Variants in METTL9 observed in about 807,000 individuals in gnomAD.
METTL9 encodes the protein methyltransferase 9, His-X-His N1(pi)-histidine, also known as protein-L-histidine N-pros-methyltransferase.
In METTL9, 10 loss-of-function variants were observed where a neutral mutation model predicts 36.0. The observed-to-expected ratio is 0.28, with a 90% CI of 0.17 to 0.47. METTL9 has a LOEUF of 0.47. Among genes scored for constraint, METTL9 ranks in the 20% least tolerant of loss-of-function variants. METTL9 has a pLI of 0.99. For synonymous variants in METTL9, 175 were observed against 149.7 expected (o/e 1.17, Z -1.23); for missense variants, 246 against 383.5 (o/e 0.64, Z 3.00).
upstream of METTL9, among the ~76,000 whole-genome samples, chr16:21,598,185 C>A (rs1964994959): frequency 6.6e-6 from 1 of 151,990 alleles, no homozygotes; most frequent in Admixed American, 6.6e-5. Context: ...CCCGTCTCTA[C>A]GAAAAACACA....
At chr16:21,638,280 T>C (rs1053040140) in intron 4 of METTL9, among the ~76,000 whole-genome samples, 33 of 152,160 alleles carry the variant, frequency 2.2e-4, no homozygotes, top group African/African-American at 8.0e-4. Flanking sequence ...ATCACGCCAT[T>C]GTACTCCAGC....
chr16:21,638,267 G>A (rs1254832015), intron 4 of METTL9, among the ~76,000 whole-genome samples: 8 of 152,258 alleles, frequency 5.3e-5, no homozygotes, highest in Non-Finnish European at 8.8e-5. Context: ...GCAGTGAGCC[G>A]AGATCACGCC....
At chr16:21,627,498 C>T (rs1170889694) in intron 4 of METTL9, 6 of 337,426 alleles carry the variant, frequency 1.8e-5, no homozygotes, top group Non-Finnish European at 2.5e-5. Flanking sequence ...TTAAGCACCC[C>T]CCAAAGAAGG....
At chr16:21,606,202 T>A (rs1456741283) in intron 1 of METTL9, among the ~76,000 whole-genome samples, 9 of 152,040 alleles carry the variant, frequency 5.9e-5, no homozygotes, top group Admixed American at 5.9e-4. Context: ...CTGGGCGTGG[T>A]GGCACGTGCC....
intron 4 of METTL9, among the ~76,000 whole-genome samples, chr16:21,651,172 G>A (rs1309673804): frequency 2.0e-5 from 3 of 152,248 alleles, no homozygotes; most frequent in South Asian, 2.1e-4. Flanking sequence ...GCAGTGAGCC[G>A]AGATCTTGCC....
At chr16:21,600,472 T>A (rs890461071) in intron 1 of METTL9, among the ~76,000 whole-genome samples, 42 of 152,350 alleles carry the variant, frequency 2.8e-4, no homozygotes, top group African/African-American at 9.4e-4. Context: ...TGACAGGTTG[T>A]CGCTCCCATC....
upstream of METTL9, chr16:21,597,269 C>A (rs1964966877): frequency 7.8e-7 from 1 of 1,289,008 alleles, no homozygotes; most frequent in Non-Finnish European, 1.0e-6. Flanking sequence ...GATCGAAAGA[C>A]CACGAGCTGG....
chr16:21,641,534 C>A, intron 4 of METTL9: 1 of 1,576,370 alleles, frequency 6.3e-7, no homozygotes, highest in East Asian at 2.3e-5. Context: ...TAAAACGTTT[C>A]TATGGCCTTT....
intron 1 of METTL9, among the ~76,000 whole-genome samples, chr16:21,602,665 GT>G (rs11415914): frequency 3.3e-5 from 5 of 150,098 alleles, no homozygotes; most frequent in Non-Finnish European, 7.4e-5. Flanking sequence ...CAAATAAAGT[GT>G]TTTTTTTTTG....
chr16:21,648,526 A>G (rs1015409584), intron 4 of METTL9, among the ~76,000 whole-genome samples: 2 of 152,220 alleles, frequency 1.3e-5, no homozygotes, highest in South Asian at 4.1e-4. Flanking sequence ...AGGTGTTCAC[A>G]GAGCTGGGAT....
intron 1 of METTL9, among the ~76,000 whole-genome samples, chr16:21,600,299 C>T (rs762938509): frequency 2.6e-5 from 4 of 152,178 alleles, no homozygotes; most frequent in African/African-American, 4.8e-5. Context: ...CGGCCAGATC[C>T]ATTACCCCGA....
In METTL9 at chr16:21,624,743, A is replaced by T. The variant is rs200017912; in HGVS notation, c.567-188A>T. 3.6e-3 allele frequency among the ~76,000 whole-genome samples: 522 copies of T among 145,300 alleles called. 8 individuals are homozygous for T. The highest frequency in any genetic ancestry group is 0.026 in the East Asian group (112 of 4,278). ...CTGTGTCTCAAAAAAGAAAAAATTA[A>T]AAAAAAAAAAAAATGGTTGCTATTT... On this transcript the variant is annotated intron_variant, in intron 3 of 4. Coordinates refer to ENST00000358154, the MANE Select transcript of METTL9 (RefSeq NM_016025.5).
chr16:21,609,776 G>T (rs1027639249), intron 1 of METTL9, among the ~76,000 whole-genome samples: 1 of 151,980 alleles, frequency 6.6e-6, no homozygotes. Flanking sequence ...AATCGTGCAG[G>T]GCCTTATAAG....
intron 4 of METTL9, among the ~76,000 whole-genome samples, chr16:21,635,134 T>C (rs1966056571): frequency 6.6e-6 from 1 of 152,028 alleles, no homozygotes; most frequent in Non-Finnish European, 1.5e-5. Context: ...CCAAGCGAGG[T>C]TGAAGGTTTG....
upstream of METTL9, among the ~76,000 whole-genome samples, chr16:21,597,706 A>T (rs1964979868): frequency 6.6e-6 from 1 of 152,164 alleles, no homozygotes; most frequent in Non-Finnish European, 1.5e-5. Context: ...CCCCCACTTT[A>T]AAAAGATGAA....
intron 4 of METTL9, chr16:21,652,746 C>T: frequency 1.7e-6 from 1 of 572,390 alleles, no homozygotes; most frequent in South Asian, 2.9e-5. Flanking sequence ...GATGGCTTCA[C>T]CATTTAACAT....
intron 1 of METTL9, 80 bp from the exon 2 acceptor site, chr16:21,612,565 G>T: frequency 7.6e-7 from 1 of 1,323,892 alleles, no homozygotes; most frequent in East Asian, 2.7e-5. Flanking sequence ...TTAGTCTTCT[G>T]GTTTTTTGTT....
chr16:21,652,528 T>A, intron 4 of METTL9: 1 of 1,607,258 alleles, frequency 6.2e-7, no homozygotes, highest in Non-Finnish European at 8.5e-7. Context: ...AAAAAGAACC[T>A]TACCGACACA....
At chr16:21,636,667 C>T (rs1033950598) in intron 4 of METTL9, among the ~76,000 whole-genome samples, 3 of 152,188 alleles carry the variant, frequency 2.0e-5, no homozygotes, top group Non-Finnish European at 4.4e-5. Flanking sequence ...CCCAGAAGTA[C>T]TGGAAAGGCG....
Sources: gnomAD v4.1 joint callset for allele counts (sites outside exome capture counted in the v4.1 genomes callset) on GRCh38, gnomAD v4.1.1 for gene constraint, MANE v1.5 for transcripts, NCBI Gene and HGNC (gene_info 2026-07-23, HGNC 2026-07-21) for gene names.